Variants in SLC25A26 observed in about 807,000 individuals in gnomAD.
The protein encoded by SLC25A26 is mitochondrial S-adenosylmethionine carrier protein.
In SLC25A26, 36 loss-of-function variants were observed where a neutral mutation model predicts 37.8. That is an observed-to-expected ratio of 0.95 (90% confidence interval 0.73 to 1.26). SLC25A26 has a LOEUF of 1.26. Ranked by LOEUF, SLC25A26 falls within the 50% of genes most tolerant of loss-of-function variation. SLC25A26 has a pLI of 0.00. For synonymous variants in SLC25A26, 129 were observed against 122.5 expected (o/e 1.05, Z -0.35); for missense variants, 390 against 331.1 (o/e 1.18, Z -1.38).
chr3:66,206,950 G>T (rs1304534863), intron 1 of SLC25A26, among the ~76,000 whole-genome samples: 1 of 149,148 alleles, frequency 6.7e-6, no homozygotes, highest in Non-Finnish European at 1.5e-5. Context: ...TGGCGGGGGA[G>T]GTGCTGGTCT....
chr3:66,223,376 T>G (rs782578567), intron 1 of SLC25A26, among the ~76,000 whole-genome samples: 1 of 151,762 alleles, frequency 6.6e-6, no homozygotes. Context: ...ATGGCAGGGG[T>G]TGGTATGGGA....
chr3:66,282,059 C>A (rs1437980946), intron 5 of SLC25A26, among the ~76,000 whole-genome samples: 4 of 130,854 alleles, frequency 3.1e-5, no homozygotes, highest in Non-Finnish European at 4.6e-5. Context: ...GGCCGGACTG[C>A]GGACTGCAGT....
At chr3:66,172,756 T>A (rs773016180) in intron 1 of SLC25A26, among the ~76,000 whole-genome samples, 2 of 152,182 alleles carry the variant, frequency 1.3e-5, no homozygotes, top group Non-Finnish European at 2.9e-5. Context: ...TGCTGGCAAT[T>A]TTTGGTGTTC....
intron 5 of SLC25A26, among the ~76,000 whole-genome samples, chr3:66,314,067 C>A (rs1033133361): frequency 2.0e-5 from 3 of 152,152 alleles, no homozygotes; most frequent in African/African-American, 4.8e-5. Flanking sequence ...CATCTGCAAA[C>A]AGAGACAATT....
At chr3:66,209,459 G>GTA (rs1330014011) in intron 1 of SLC25A26, among the ~76,000 whole-genome samples, 4,673 of 137,676 alleles carry the variant, frequency 0.034, 127 homozygotes, top group East Asian at 0.09. Flanking sequence ...ATATAAAGGT[G>GTA]TATATATATA....
chr3:66,238,123 G>T (rs1394472558), intron 2 of SLC25A26, among the ~76,000 whole-genome samples: 1 of 152,086 alleles, frequency 6.6e-6, no homozygotes, highest in Non-Finnish European at 1.5e-5. Context: ...ACGTGAGAGG[G>T]GCATGGGTTC....
intron 1 of SLC25A26, among the ~76,000 whole-genome samples, chr3:66,209,567 A>G (rs2071246093): frequency 7.0e-6 from 1 of 142,166 alleles, no homozygotes; most frequent in South Asian, 2.2e-4. Context: ...TACCTTTTAT[A>G]TACGTATAAA....
intron 1 of SLC25A26, among the ~76,000 whole-genome samples, chr3:66,170,490 G>T (rs571052996): frequency 1.3e-5 from 2 of 152,172 alleles, no homozygotes; most frequent in African/African-American, 2.4e-5. Flanking sequence ...GATGAAGAGC[G>T]CATGGTACTA....
intron 7 of SLC25A26, among the ~76,000 whole-genome samples, chr3:66,365,174 T>C (rs542045559): frequency 2.0e-5 from 3 of 152,346 alleles, no homozygotes; most frequent in Non-Finnish European, 4.4e-5. Context: ...TTGCAGACTT[T>C]ACCCTTACAT....
chr3:66,373,208 C>T (rs1474707036), intron 9 of SLC25A26, among the ~76,000 whole-genome samples: 5 of 152,158 alleles, frequency 3.3e-5, no homozygotes, highest in Admixed American at 6.5e-5. Context: ...GCCACTGCCG[C>T]GAGCATCCCT....
At chr3:66,309,685 G>C (rs941429907) in intron 5 of SLC25A26, among the ~76,000 whole-genome samples, 1 of 152,162 alleles carries the variant, frequency 6.6e-6, no homozygotes, top group South Asian at 2.1e-4. Flanking sequence ...ATGTGTCCCA[G>C]AGATTCTGGT....
Position 66,162,551 on chromosome 3 carries a change from G to T in SLC25A26, c.-354+28567G>T, listed in dbSNP as rs141122845. Among the ~76,000 whole-genome samples the T allele has an allele frequency of 5.6e-3, 850 of 152,268 alleles. 11 individuals are homozygous for T. The highest frequency in any genetic ancestry group is 0.019 in the African/African-American group (810 of 41,542). On this transcript the variant is annotated intron_variant, in intron 1 of 10. Coordinates refer to the SLC25A26 transcript ENST00000676754. ...GAAATGGCTAGAGTCTAGATGTGAT[G>T]TAGAAAGCAAGAAGACTTGAGACTA... is the stretch of plus-strand genomic sequence containing the variant.
chr3:66,141,158 A>G (rs1186187714), intron 1 of SLC25A26, among the ~76,000 whole-genome samples: 1 of 151,582 alleles, frequency 6.6e-6, no homozygotes, highest in African/African-American at 2.4e-5. Context: ...ATAGTATTCT[A>G]TAGTGTTGCA....
At chr3:66,366,081 C>G (rs1288775891) in intron 7 of SLC25A26, among the ~76,000 whole-genome samples, 1 of 152,164 alleles carries the variant, frequency 6.6e-6, no homozygotes, top group Non-Finnish European at 1.5e-5. Flanking sequence ...ATAGTTTTAT[C>G]ATAAAATTTT....
intron 5 of SLC25A26, among the ~76,000 whole-genome samples, chr3:66,342,775 T>G (rs1047211542): frequency 6.6e-6 from 1 of 152,222 alleles, no homozygotes; most frequent in Non-Finnish European, 1.5e-5. Flanking sequence ...CTCTGTTTAT[T>G]ACTAAGTGGA....
intron 5 of SLC25A26, among the ~76,000 whole-genome samples, chr3:66,319,740 A>C (rs1483320046): frequency 6.9e-6 from 1 of 145,434 alleles, no homozygotes; most frequent in Admixed American, 7.0e-5. Flanking sequence ...GACAGCAATT[A>C]AATCTTTTTT....
At chr3:66,236,962 A>C (rs140801059) in intron 2 of SLC25A26, among the ~76,000 whole-genome samples, 4 of 152,070 alleles carry the variant, frequency 2.6e-5, no homozygotes, top group Non-Finnish European at 5.9e-5. Context: ...TCAGCCCCCT[A>C]AGTAGCTGGG....
At chr3:66,341,000 A>G (rs1214956708) in intron 5 of SLC25A26, among the ~76,000 whole-genome samples, 2 of 152,094 alleles carry the variant, frequency 1.3e-5, no homozygotes, top group Non-Finnish European at 2.9e-5. Flanking sequence ...AAAAACAATC[A>G]TGTCATTTGT....
chr3:66,226,579 G>C (rs1371052169), intron 1 of SLC25A26, among the ~76,000 whole-genome samples: 4 of 152,104 alleles, frequency 2.6e-5, no homozygotes, highest in Non-Finnish European at 5.9e-5. Flanking sequence ...CTCCTGAGTA[G>C]CTGGGACTAG....
Sources: allele counts gnomAD v4.1 joint callset (sites outside exome capture counted in the v4.1 genomes callset), GRCh38; gene constraint gnomAD v4.1.1; transcripts MANE v1.5; gene names NCBI Gene and HGNC (gene_info 2026-07-23, HGNC 2026-07-21).